Variants in SNTB1 observed in about 807,000 individuals in gnomAD.
SNTB1 encodes the protein beta-1-syntrophin.
SNTB1 carries 36 observed loss-of-function variants against 48.9 expected under a neutral mutation model. That is an observed-to-expected ratio of 0.74 (90% CI 0.56 to 0.97). The LOEUF (loss-of-function observed/expected upper bound fraction) is 0.97, where lower values mean the gene tolerates loss of function less well. Among genes scored for constraint, SNTB1 ranks in the 50% least tolerant of loss-of-function variants. SNTB1 has a pLI of 0.00. For missense variants in SNTB1, 786 were observed against 703.4 expected, an observed-to-expected ratio of 1.12 and a Z score of -1.33; for synonymous variants, 299 against 294.6, an observed-to-expected ratio of 1.01 and a Z score of -0.15.
rs186644734 is a variant in SNTB1 at position 120,805,739 on chromosome 8, A to G, written c.571+5534T>C. Among the ~76,000 whole-genome samples the G allele has an allele frequency of 3.1e-3, 477 of 152,334 alleles. 1 individual carries two copies. The highest frequency in any genetic ancestry group is 5.6e-3 in the Non-Finnish European group (381 of 68,022). On this transcript the variant is annotated intron_variant, in intron 1 of 6. Coordinates refer to ENST00000517992, the MANE Select transcript of SNTB1 (RefSeq NM_021021.4). ...GCAATAGAAAACTAGTACACCAGAA[A>G]AGAAAACAGAAGACCAATGCTGACA...
chr8:120,709,531 CACTA>C (rs1818429594), intron 1 of SNTB1, among the ~76,000 whole-genome samples: 2 of 152,242 alleles, frequency 1.3e-5, no homozygotes, highest in South Asian at 4.1e-4. Flanking sequence ...ACTTATTGAG[CACTA>C]ACTAAATGTC....
chr8:120,790,464 A>G (rs192944202), intron 1 of SNTB1, among the ~76,000 whole-genome samples: 9 of 152,078 alleles, frequency 5.9e-5, no homozygotes, highest in Admixed American at 3.3e-4. Context: ...TGTCAATGAC[A>G]TAATCTTATA....
chr8:120,716,348 T>G (rs1301723154), intron 1 of SNTB1, among the ~76,000 whole-genome samples: 1 of 152,204 alleles, frequency 6.6e-6, no homozygotes. Flanking sequence ...ACCTGAAATT[T>G]TTATCCCTAT....
chr8:120,599,116 C>G (rs1242992792), intron 3 of SNTB1, among the ~76,000 whole-genome samples: 1 of 152,084 alleles, frequency 6.6e-6, no homozygotes, highest in East Asian at 1.9e-4. Context: ...AGAAAACAAG[C>G]CAGGCAGGAA....
chr8:120,653,979 G>A (rs1817452439), intron 2 of SNTB1, among the ~76,000 whole-genome samples: 1 of 133,482 alleles, frequency 7.5e-6, no homozygotes, highest in East Asian at 2.5e-4. Flanking sequence ...AGCGGAGCTT[G>A]CAGTGAGCCC....
At position 120,696,280 on chromosome 8, in the gene SNTB1, A is replaced by G. The variant is rs567370391; in HGVS notation, c.572-2372T>C. On this transcript the variant is annotated intron_variant, in intron 1 of 6. Transcript: ENST00000517992. ...AGGGATGCTTCATGGGGAAGGTGCC[A>G]TTTGAACTTGGCCTTAAAGAGTAGC... 9.7e-4 allele frequency among the ~76,000 whole-genome samples: 148 copies of G among 152,324 alleles called. 5 individuals are homozygous for G. The highest frequency in any genetic ancestry group is 1.2e-3 in the Non-Finnish European group (85 of 68,024).
At chr8:120,670,499 GT>G in intron 2 of SNTB1, among the ~76,000 whole-genome samples, 1 of 152,312 alleles carries the variant, frequency 6.6e-6, no homozygotes, top group Middle Eastern at 3.4e-3. Flanking sequence ...CCACAGGCTT[GT>G]GAAGTAGATG....
intron 1 of SNTB1, among the ~76,000 whole-genome samples, chr8:120,775,005 T>C (rs912020615): frequency 5.3e-5 from 8 of 152,122 alleles, no homozygotes; most frequent in African/African-American, 1.9e-4. Context: ...GTTTGAAGTC[T>C]TTGGCACATT....
At chr8:120,679,965 C>T (rs1423625709) in intron 2 of SNTB1, among the ~76,000 whole-genome samples, 1 of 152,078 alleles carries the variant, frequency 6.6e-6, no homozygotes, top group East Asian at 1.9e-4. Context: ...TCCCATTCTT[C>T]AAGGAACTAT....
At chr8:120,752,987 GAAAA>G (rs60198716) in intron 1 of SNTB1, among the ~76,000 whole-genome samples, 3,366 of 76,550 alleles carry the variant, frequency 0.044, 119 homozygotes, top group African/African-American at 0.13. Flanking sequence ...AAAGCTGGAA[GAAAA>G]AAAAAAAAAA....
chr8:120,784,423 T>A (rs1819887839), intron 1 of SNTB1, among the ~76,000 whole-genome samples: 2 of 152,054 alleles, frequency 1.3e-5, no homozygotes, highest in Admixed American at 1.3e-4. Context: ...ATAAATCGCA[T>A]TTCATAAGCT....
At chr8:120,775,310 C>T (rs907069543) in intron 1 of SNTB1, 3 of 152,170 alleles carry the variant, frequency 2.0e-5, no homozygotes, top group African/African-American at 7.2e-5. Context: ...CCGCAACATA[C>T]TAACCACATC....
intron 4 of SNTB1, among the ~76,000 whole-genome samples, chr8:120,569,869 C>A (rs939608677): frequency 2.6e-5 from 4 of 152,290 alleles, no homozygotes; most frequent in South Asian, 2.1e-4. Context: ...CTAGTGGCTA[C>A]CATGCTAAGC....
chr8:120,581,874 A>T (rs762229453), intron 3 of SNTB1, among the ~76,000 whole-genome samples: 1 of 152,090 alleles, frequency 6.6e-6, no homozygotes, highest in Non-Finnish European at 1.5e-5. Flanking sequence ...AATCTCTAGT[A>T]AAAATATAAA....
At chr8:120,628,980 C>T (rs544063176) in intron 3 of SNTB1, among the ~76,000 whole-genome samples, 2 of 152,120 alleles carry the variant, frequency 1.3e-5, no homozygotes, top group African/African-American at 4.8e-5. Flanking sequence ...ATAGTGAGAC[C>T]CTGTCTATTA....
chr8:120,805,035 A>C (rs1004024800), intron 1 of SNTB1, among the ~76,000 whole-genome samples: 1 of 152,234 alleles, frequency 6.6e-6, no homozygotes, highest in Non-Finnish European at 1.5e-5. Flanking sequence ...GTTCTAGTAG[A>C]GTATAGTACA....
At chr8:120,632,753 G>C in intron 2 of SNTB1, 102 bp from the exon 3 acceptor site, 1 of 953,836 alleles carries the variant, frequency 1.0e-6, no homozygotes, top group South Asian at 1.5e-5. Flanking sequence ...CCTTCTTTTA[G>C]ACTTTGTCAG....
intron 1 of SNTB1, among the ~76,000 whole-genome samples, chr8:120,724,686 A>C (rs1352522180): frequency 6.6e-6 from 1 of 152,206 alleles, no homozygotes; most frequent in Admixed American, 6.5e-5. Context: ...CCAGATAAGA[A>C]AGATGAGGCT....
At position 120,645,377 on chromosome 8, in the gene SNTB1, C is replaced by A. The variant is rs962322886; in HGVS notation, c.789-12726G>T. On this transcript the variant is annotated intron_variant, in intron 2 of 6. Transcript: ENST00000517992. The stretch of plus-strand genomic sequence containing the variant: ...GAAGGGATCCAGTTTCAGCTTTCTA[C>A]ATATGGCTAGCCAGTTTTCCCAGCA... Among the ~76,000 whole-genome samples the A allele has an allele frequency of 1.0e-3, 149 of 148,530 alleles. 1 individual carries two copies. Among genetic ancestry groups the A allele is most frequent in the African/African-American group, 3.4e-3 (137 of 40,686 alleles).
Sources: allele counts gnomAD v4.1 joint callset (sites outside exome capture counted in the v4.1 genomes callset), GRCh38; gene constraint gnomAD v4.1.1; transcripts MANE v1.5; gene names NCBI Gene and HGNC (gene_info 2026-07-23, HGNC 2026-07-21).